The following MAN2C1 variants were observed in gnomAD, a reference collection of about 807,000 sequenced individuals.
The protein encoded by MAN2C1 is alpha-mannosidase 2C1.
A neutral mutation model predicts 126.9 loss-of-function variants in MAN2C1; 111 were observed. The observed-to-expected ratio is 0.87, with a 90% CI of 0.75 to 1.02. The LOEUF (loss-of-function observed/expected upper bound fraction) is 1.02, where lower values mean the gene tolerates loss of function less well. Ranked by LOEUF, MAN2C1 falls within the 50% of genes least tolerant of loss-of-function variation. MAN2C1 has a pLI of 0.00. For synonymous variants in MAN2C1, 567 were observed against 561.5 expected (o/e 1.01, Z -0.14); for missense variants, 1,363 against 1,364.4 (o/e 1.00, Z 0.02).
intron 3 of MAN2C1, 42 bp from the exon 4 acceptor site, chr15:75,366,634 T>G: frequency 2.0e-6 from 3 of 1,499,332 alleles, no homozygotes; most frequent in Non-Finnish European, 2.7e-6. Flanking sequence ...TTGAGGCTTT[T>G]GGACAGTTCA....
In MAN2C1 at chr15:75,361,865, A is replaced by G; in HGVS notation, c.1091T>C (p.Met364Thr). The G allele has an allele frequency of 6.2e-7, 1 of 1,614,060 alleles. No homozygotes were observed. ...CAGCTCTCAGCCTACCTCAGAGCAC[A>G]TCTTCCCAAACTCCTGCAGAAAGAA... ...QNFFLQEFGKMCSEFWLPDTF... is the reference protein window; with the variant it reads ...QNFFLQEFGKTCSEFWLPDTF... Residue 364 changes from methionine (M) to threonine (T), a missense_variant, in exon 9 of 26, where the codon ATG becomes ACG. By Grantham distance (81) the Met-to-Thr change is moderately conservative. Coordinates refer to ENST00000267978, the MANE Select transcript of MAN2C1 (RefSeq NM_006715.4). This position sits in a 1 kb window ranked among gnomAD's most constrained non-coding sequence, Gnocchi z 5.0.
chr15:75,366,971 G>A (rs2072587987), intron 3 of MAN2C1, among the ~76,000 whole-genome samples: 1 of 152,142 alleles, frequency 6.6e-6, no homozygotes, highest in Non-Finnish European at 1.5e-5. Flanking sequence ...AGTGCTTAAG[G>A]GTATGGCCCA....
chr15:75,363,912 T>A, intron 6 of MAN2C1, 87 bp downstream of exon 6: 2 of 1,444,550 alleles, frequency 1.4e-6, no homozygotes, highest in African/African-American at 1.4e-5. Flanking sequence ...AAGAACTTGC[T>A]GAGCATCACA....
In MAN2C1 at chr15:75,368,165, G is replaced by A; in HGVS notation, c.135C>T (p.Leu45=). ...LFGASCPVAV[L]SSFLTPERLP... is the part of the protein sequence containing the mutation. ...GTCTCTCCGGCGTCAGGAAGCTGGA[G>A]AGCACAGCCACAGGGCAGCTGGCCC... is the stretch of plus-strand genomic sequence containing the variant. Residue 45 remains leucine (L), a synonymous_variant, in exon 2 of 26, where the codon CTC becomes CTT. Coordinates refer to ENST00000267978, the MANE Select transcript of MAN2C1 (RefSeq NM_006715.4). 3 of 1,604,664 alleles carry A rather than the reference G, an allele frequency of 1.9e-6. No homozygotes were observed. The highest frequency in any genetic ancestry group is 2.5e-6 in the Non-Finnish European group (3 of 1,177,270).
rs1268342847 is a variant in MAN2C1 at position 75,356,987 on chromosome 15, G to C, written c.2548-85C>G. ...TCCAGAGCTCCTGTCACTAGGCCGA[G>C]CACAAGCTCTAGAACCACACAACTG... is the stretch of plus-strand genomic sequence containing the variant. On this transcript the variant is annotated intron_variant, in intron 21 of 25. Coordinates refer to ENST00000267978, the MANE Select transcript of MAN2C1 (RefSeq NM_006715.4). The surrounding 1 kb of genome is among the most constrained non-coding windows in gnomAD (Gnocchi z 5.8). The C allele has an allele frequency of 1.8e-6, 2 of 1,121,936 alleles. No homozygotes were observed. The highest frequency in any genetic ancestry group is 2.6e-6 in the Non-Finnish European group (2 of 756,272). 69.5% of individuals were successfully genotyped at this position (1,121,936 alleles called of 1,614,324 possible).
At chr15:75,357,032 C>CG in intron 21 of MAN2C1, 130 bp from the exon 22 acceptor site, 2 of 719,630 alleles carry the variant, frequency 2.8e-6, no homozygotes, top group South Asian at 1.8e-5. Context: ...TCCCACTGTA[C>CG]GGGGCCCTGG....
At chr15:75,364,260 G>C in intron 5 of MAN2C1, 72 bp from the exon 6 acceptor site, 1 of 1,482,728 alleles carries the variant, frequency 6.7e-7, no homozygotes, top group Non-Finnish European at 9.0e-7. Context: ...CTGATCTCAG[G>C]GCTCTCAGCA....
At chr15:75,366,935 G>C (rs1293589863) in intron 3 of MAN2C1, among the ~76,000 whole-genome samples, 1 of 152,148 alleles carries the variant, frequency 6.6e-6, no homozygotes, top group Non-Finnish European at 1.5e-5. Context: ...TCAGGGGCAG[G>C]TTTGCCTCAT....
chr15:75,363,464 T>C (rs1179342005), intron 6 of MAN2C1, among the ~76,000 whole-genome samples: 1 of 152,176 alleles, frequency 6.6e-6, no homozygotes, highest in African/African-American at 2.4e-5. Flanking sequence ...TCTGTAATCC[T>C]ACCCTCAATA....
At chr15:75,358,060 A>G in intron 21 of MAN2C1, 141 bp downstream of exon 21, 1 of 1,071,360 alleles carries the variant, frequency 9.3e-7, no homozygotes, top group South Asian at 1.5e-5. Flanking sequence ...TTGCCAATGT[A>G]AAGCATTTAG....
chr15:75,368,253 G>A, intron 1 of MAN2C1, 55 bp from the exon 2 acceptor site: 4 of 1,541,002 alleles, frequency 2.6e-6, no homozygotes, highest in Non-Finnish European at 3.5e-6. Flanking sequence ...TTCCGCCTGG[G>A]GGCCAGCTGG....
chr15:75,356,448 G>C lies in MAN2C1; in HGVS notation c.2739C>G (p.Gly913=), dbSNP rs752397356. 44 of 1,597,398 alleles carry C rather than the reference G, an allele frequency of 2.8e-5. No individual in the cohort carries two copies. The highest frequency in any genetic ancestry group is 3.6e-5 in the Non-Finnish European group (42 of 1,173,248). Residue 913 remains glycine, a splice_region_variant and synonymous_variant, in exon 24 of 26, where the codon GGC becomes GGG. Transcript: ENST00000267978. This position sits in a 1 kb window ranked among gnomAD's most constrained non-coding sequence, Gnocchi z 5.8. ...EFTYALMPHK[G]SFQDAGVIQA... is the part of the protein sequence containing the mutation. ...GGATAACGCCAGCATCCTGGAAAGAGCCTGGGGTACGACCAGGAAACAATG... is the reference window on the plus strand; with the variant it reads ...GGATAACGCCAGCATCCTGGAAAGACCCTGGGGTACGACCAGGAAACAATG...
rs548157821 is a variant in MAN2C1, at chr15:75,365,265, A to G, written c.423-600T>C. 1.8e-4 allele frequency among the ~76,000 whole-genome samples: 27 copies of G among 152,124 alleles called. No individual in the cohort carries two copies. The South Asian group carries it at 5.4e-3, about 30-fold the overall frequency. ...CTGTCTCCCTTTGTTGGCAAGGGCT[A>G]TTTTATTCACCACCATACTCCCAGT... On this transcript the variant is annotated intron_variant, in intron 4 of 25. Transcript: ENST00000267978.
At position 75,360,858 on chromosome 15, in the gene MAN2C1, G is replaced by T. The variant is rs569829442; in HGVS notation, c.1461-170C>A. 3 of 1,159,676 alleles carry T rather than the reference G, an allele frequency of 2.6e-6. No homozygotes were observed. In the African/African-American group the frequency reaches 4.6e-5, roughly 18 times the overall value. 71.8% of individuals were successfully genotyped at this position (1,159,676 alleles called of 1,614,324 possible). A position where few individuals can be genotyped will look rare whatever the true frequency, so the allele number is the denominator to read the frequency against. Reference sequence around the variant, plus strand: ...CTAGGAGAGCCTCTCTCTCTGATGGGCTGGAGCCCTTACCAGCTTCAGCTT... The same window carrying T: ...CTAGGAGAGCCTCTCTCTCTGATGGTCTGGAGCCCTTACCAGCTTCAGCTT... On this transcript the variant is annotated intron_variant, in intron 12 of 25. Coordinates refer to ENST00000267978, the MANE Select transcript of MAN2C1 (RefSeq NM_006715.4).
intron 21 of MAN2C1, chr15:75,357,277 T>G: frequency 5.4e-6 from 1 of 185,764 alleles, no homozygotes; most frequent in Non-Finnish European, 1.1e-5. Flanking sequence ...CCCAAGTAGC[T>G]GGGATAACAG....
intron 3 of MAN2C1, among the ~76,000 whole-genome samples, chr15:75,367,109 G>C (rs1265637795): frequency 6.6e-6 from 1 of 152,032 alleles, no homozygotes; most frequent in Non-Finnish European, 1.5e-5. Context: ...TAGAAGCTGT[G>C]TGAACCTGAG....
intron 2 of MAN2C1, 62 bp from the exon 3 acceptor site, chr15:75,367,696 G>A (rs1370934549): frequency 1.3e-6 from 2 of 1,596,766 alleles, no homozygotes; most frequent in African/African-American, 2.7e-5. Context: ...TCCTTCCTTG[G>A]ATAAAGTGTC....
In MAN2C1 at chr15:75,356,902, C is replaced by T; in HGVS notation, c.2548G>A (p.Val850Met). 1.2e-6 allele frequency: 2 copies of T among 1,613,556 alleles called. No individual in the cohort carries two copies. Among genetic ancestry groups the T allele is most frequent in the South Asian group, 1.1e-5 (1 of 91,088 alleles). Residue 850 changes from valine (V) to methionine (M), a missense_variant and splice_region_variant, in exon 22 of 26, where the codon GTG (valine) becomes ATG (methionine). Transcript: ENST00000267978. This position sits in a 1 kb window ranked among gnomAD's most constrained non-coding sequence, Gnocchi z 5.8. ...AGATCCATCCAGCGATGGGCCCACA[C>T]CTGGAGGGCAGATCCAAGACCCACT... is the stretch of plus-strand genomic sequence containing the variant. ...NTSWDWARFE[V>M]WAHRWMDLSE...
At chr15:75,358,014 C>G in intron 21 of MAN2C1, 187 bp downstream of exon 21, 1 of 705,010 alleles carries the variant, frequency 1.4e-6, no homozygotes, top group South Asian at 1.8e-5. Context: ...CTCGGCCTCC[C>G]AAAGTGCTGG....
Sources: allele counts gnomAD v4.1 joint callset (sites outside exome capture counted in the v4.1 genomes callset), GRCh38; gene constraint gnomAD v4.1.1; non-coding constraint Gnocchi (gnomAD v3.1); transcripts MANE v1.5; gene names NCBI Gene and HGNC (gene_info 2026-07-23, HGNC 2026-07-21).